P2RY14: variants seen among roughly 807,000 people sequenced by gnomAD.
The protein encoded by P2RY14 is P2Y purinoceptor 14.
P2RY14 carries 2 observed loss-of-function variants against 0.9 expected under a neutral mutation model. That is an observed-to-expected ratio of 2.16 (90% CI 0.88 to 6.79). The LOEUF (loss-of-function observed/expected upper bound fraction) is 6.79, where lower values mean the gene tolerates loss of function less well. Ranked by LOEUF, P2RY14 falls within the 30% of genes most tolerant of loss-of-function variation. P2RY14 has a pLI of 0.05. For synonymous variants in P2RY14, 158 were observed against 147.2 expected (o/e 1.07, Z -0.53); for missense variants, 378 against 400.1 (o/e 0.94, Z 0.47).
At chr3:151,216,829 AAG>A (rs1362864713) in intron 2 of P2RY14, among the ~76,000 whole-genome samples, 2 of 152,220 alleles carry the variant, frequency 1.3e-5, no homozygotes, top group African/African-American at 4.8e-5. Context: ...TACTGTGACT[AAG>A]AGTCTGTGGC....
At chr3:151,225,214 G>C (rs564373024) in intron 1 of P2RY14, among the ~76,000 whole-genome samples, 2 of 152,094 alleles carry the variant, frequency 1.3e-5, no homozygotes, top group Non-Finnish European at 2.9e-5. Context: ...AGAAGTTGCT[G>C]TTCTCTCTCT....
intron 1 of P2RY14, among the ~76,000 whole-genome samples, chr3:151,242,779 G>A (rs1486649806): frequency 2.0e-5 from 3 of 152,082 alleles, no homozygotes; most frequent in African/African-American, 4.8e-5. Context: ...TGACTTTGAC[G>A]AGCTGAGAGA....
intron 1 of P2RY14, among the ~76,000 whole-genome samples, chr3:151,260,002 A>C (rs1019353995): frequency 1.3e-5 from 2 of 152,168 alleles, no homozygotes; most frequent in African/African-American, 2.4e-5. Flanking sequence ...ATTGGTAGGC[A>C]TTGTGAAGTG....
chr3:151,266,429 G>A (rs558624021), intron 1 of P2RY14, among the ~76,000 whole-genome samples: 20 of 152,278 alleles, frequency 1.3e-4, no homozygotes, highest in Admixed American at 5.2e-4. Context: ...TTGAGCGAAC[G>A]GACTTAACAT....
intron 1 of P2RY14, among the ~76,000 whole-genome samples, chr3:151,244,617 A>G (rs1006237953): frequency 3.3e-5 from 5 of 151,272 alleles, no homozygotes; most frequent in African/African-American, 1.2e-4. Context: ...CATTCAAAGC[A>G]GTGTGTAGAG....
chr3:151,219,998 T>C (rs1051684858), intron 1 of P2RY14, among the ~76,000 whole-genome samples: 3 of 151,032 alleles, frequency 2.0e-5, no homozygotes, highest in Admixed American at 6.6e-5. Context: ...AGGTGGATTT[T>C]TTTAATTGTT....
intron 1 of P2RY14, among the ~76,000 whole-genome samples, chr3:151,240,606 G>A (rs576594555): frequency 6.6e-6 from 1 of 152,006 alleles, no homozygotes; most frequent in East Asian, 1.9e-4. Context: ...AAATCTAGTT[G>A]TTTATCTTTA....
In P2RY14 at chr3:151,246,176, G is replaced by A. The variant is rs1453364036; in HGVS notation, c.-132-26534C>T. ...CTCATGGGTAGGAAGAATAAATATC[G>A]TGAAAATGGCCATACTGCTCAAGGT... On this transcript the variant is annotated intron_variant, in intron 1 of 2. Transcript: ENST00000309170. 8.5e-5 allele frequency among the ~76,000 whole-genome samples: 13 copies of A among 152,206 alleles called. No individual in the cohort carries two copies. In the East Asian group the frequency reaches 1.2e-3, roughly 14 times the overall value.
intron 1 of P2RY14, among the ~76,000 whole-genome samples, chr3:151,220,012 T>C (rs1456933563): frequency 2.6e-5 from 4 of 150,956 alleles, no homozygotes; most frequent in Admixed American, 2.0e-4. Context: ...AATTGTTTTG[T>C]TTTTTAAAAA....
At chr3:151,269,397 T>TCACACACA (rs71801434) in intron 1 of P2RY14, 14,586 of 144,412 alleles carry the variant, frequency 0.1, 815 homozygotes, top group Middle Eastern at 0.18. Context: ...TGAAACTCCA[T>TCACACACA]CACACACACA....
At chr3:151,259,117 C>T (rs1158582347) in intron 1 of P2RY14, among the ~76,000 whole-genome samples, 1 of 152,122 alleles carries the variant, frequency 6.6e-6, no homozygotes, top group Non-Finnish European at 1.5e-5. Flanking sequence ...CCTTTTTTAA[C>T]ACATGGACTG....
At chr3:151,244,997 G>T (rs891886470) in intron 1 of P2RY14, among the ~76,000 whole-genome samples, 1 of 130,862 alleles carries the variant, frequency 7.6e-6, no homozygotes, top group Non-Finnish European at 1.7e-5. Context: ...ACACCTCTAC[G>T]CAAATAAACT....
rs764777471 is a variant in P2RY14, at chr3:151,214,191, C to T, written c.126G>A (p.Val42=). ...GCACGTAAAAGAATATCCATCCTGA[C>T]ACTCCATTGAGTAGGATTCCTGCAA... The part of the protein sequence containing the change: ...VFIAGILLNG[V]SGWIFFYVPS... Residue 42 remains valine, a synonymous_variant, in exon 3 of 3, where the codon GTG becomes GTA. Transcript: ENST00000309170. The T allele has an allele frequency of 8.7e-6, 14 of 1,613,976 alleles. No homozygotes were observed. In the South Asian group the frequency reaches 1.5e-4, roughly 18 times the overall value.
intron 1 of P2RY14, among the ~76,000 whole-genome samples, chr3:151,239,571 T>G (rs1031387662): frequency 1.3e-5 from 2 of 152,246 alleles, no homozygotes; most frequent in African/African-American, 2.4e-5. Flanking sequence ...AAAATGTTAC[T>G]TGTGTTAACC....
intron 1 of P2RY14, chr3:151,261,560 A>C (rs939362025): frequency 5.3e-5 from 8 of 152,134 alleles, no homozygotes; most frequent in Non-Finnish European, 1.0e-4. Context: ...GGTGGTTCTC[A>C]AAGTGTGGTT....
chr3:151,212,458 A>G lies in P2RY14; in HGVS notation c.*842T>C, dbSNP rs187063001. On this transcript the variant is annotated 3_prime_UTR_variant, in exon 3 of 3. Transcript: ENST00000309170. ...CTTTCCCATTCGCCAGTAGATTAAT[A>G]TATGTTCTACGGTGTGGGTGTGTCT... The G allele has an allele frequency of 3.9e-5, 6 of 152,282 alleles. No individual in the cohort carries two copies. The highest frequency in any genetic ancestry group is 1.9e-4 in the East Asian group (1 of 5,190). The allele number at this position is 152,282 out of a possible 1,614,324, so 9.4% of individuals were successfully genotyped here. A position where few individuals can be genotyped will look rare whatever the true frequency, so the allele number is the denominator to read the frequency against.
At chr3:151,252,592 C>T (rs1246047557) in intron 1 of P2RY14, among the ~76,000 whole-genome samples, 1 of 152,044 alleles carries the variant, frequency 6.6e-6, no homozygotes, top group African/African-American at 2.4e-5. Context: ...TTTACTTATA[C>T]TTGTGTTTCG....
intron 1 of P2RY14, among the ~76,000 whole-genome samples, chr3:151,244,768 G>A (rs151183072): frequency 0.019 from 2,886 of 152,026 alleles, 30 homozygotes; most frequent in African/African-American, 0.034. Flanking sequence ...AACTAAAATC[G>A]GAGCAGAACT....
At chr3:151,253,227 C>G (rs1037083372) in intron 1 of P2RY14, among the ~76,000 whole-genome samples, 1 of 152,144 alleles carries the variant, frequency 6.6e-6, no homozygotes, top group African/African-American at 2.4e-5. Context: ...GAAAAGCCAA[C>G]AAATATGGAG....
Sources: gnomAD v4.1 joint callset for allele counts (sites outside exome capture counted in the v4.1 genomes callset) on GRCh38, gnomAD v4.1.1 for gene constraint, MANE v1.5 for transcripts, NCBI Gene and HGNC (gene_info 2026-07-23, HGNC 2026-07-21) for gene names.